SLCO6A1: variants seen among roughly 807,000 people sequenced by gnomAD.
The protein encoded by SLCO6A1 is cancer/testis antigen 48.
A neutral mutation model predicts 72.7 loss-of-function variants in SLCO6A1; 65 were observed. That is an observed-to-expected ratio of 0.89 (90% confidence interval 0.73 to 1.10). The LOEUF (loss-of-function observed/expected upper bound fraction) is 1.10. Among genes scored for constraint, SLCO6A1 ranks in the 50% least tolerant of loss-of-function variants. The pLI, the probability that SLCO6A1 is intolerant of heterozygous loss-of-function variation, is 0.00. For synonymous variants in SLCO6A1, 314 were observed against 298.2 expected (o/e 1.05, Z -0.55); for missense variants, 874 against 872.6 (o/e 1.00, Z -0.02).
chr5:102,412,458 A>G (rs1748038612), intron 9 of SLCO6A1, among the ~76,000 whole-genome samples: 1 of 152,104 alleles, frequency 6.6e-6, no homozygotes, highest in Admixed American at 6.6e-5. Flanking sequence ...TATTGTGGCA[A>G]TATAAAACAA....
intron 1 of SLCO6A1, among the ~76,000 whole-genome samples, chr5:102,488,098 G>A (rs1171699985): frequency 6.6e-6 from 1 of 152,150 alleles, no homozygotes; most frequent in African/African-American, 2.4e-5. Flanking sequence ...AACCAGTTAA[G>A]TAGTAAATAT....
intron 4 of SLCO6A1, among the ~76,000 whole-genome samples, chr5:102,473,893 A>T (rs992167797): frequency 1.3e-5 from 2 of 151,938 alleles, no homozygotes; most frequent in Non-Finnish European, 2.9e-5. Context: ...ACTATAAAAC[A>T]TTATTGAAAA....
intron 7 of SLCO6A1, among the ~76,000 whole-genome samples, chr5:102,425,966 G>T (rs1164960529): frequency 6.6e-6 from 1 of 150,626 alleles, no homozygotes; most frequent in Non-Finnish European, 1.5e-5. Flanking sequence ...ATAATGCTGT[G>T]TATCTACAAC....
At chr5:102,382,244 A>T (rs1746150582) in intron 12 of SLCO6A1, among the ~76,000 whole-genome samples, 1 of 151,676 alleles carries the variant, frequency 6.6e-6, no homozygotes, top group African/African-American at 2.4e-5. Context: ...ATTTATTGAA[A>T]AGACTGTCCC....
intron 8 of SLCO6A1, among the ~76,000 whole-genome samples, chr5:102,416,651 A>G (rs1294660184): frequency 6.6e-6 from 1 of 152,116 alleles, no homozygotes; most frequent in East Asian, 1.9e-4. Flanking sequence ...TGGGTGATAG[A>G]TACCCTAAAA....
At chr5:102,411,321 G>A (rs1260532827) in intron 9 of SLCO6A1, among the ~76,000 whole-genome samples, 3 of 152,062 alleles carry the variant, frequency 2.0e-5, no homozygotes, top group Non-Finnish European at 4.4e-5. Flanking sequence ...CTGGAGCACA[G>A]TGGCACAATC....
Position 102,498,859 on chromosome 5 carries a change from G to A in SLCO6A1, c.-15C>T, listed in dbSNP as rs1261227132. ...CCTACGAACATGGCTCACCCTGGGC[G>A]GCTCCTGGCGACGCGGCCCGAGTGC... On this transcript the variant is annotated 5_prime_UTR_variant, in exon 1 of 14. Coordinates refer to ENST00000506729, the MANE Select transcript of SLCO6A1 (RefSeq NM_173488.5). 1 of 1,589,906 alleles carries A rather than the reference G, an allele frequency of 6.3e-7. No homozygotes were observed. Among genetic ancestry groups the A allele is most frequent in the South Asian group, 1.1e-5 (1 of 89,866 alleles).
At chr5:102,454,199 A>C (rs1561474892) in intron 6 of SLCO6A1, among the ~76,000 whole-genome samples, 2 of 152,174 alleles carry the variant, frequency 1.3e-5, no homozygotes. Flanking sequence ...ATGGAGCTCA[A>C]AACTAGATCA....
chr5:102,458,261 G>GAA, intron 6 of SLCO6A1, 121 bp downstream of exon 6: 1 of 667,482 alleles, frequency 1.5e-6, no homozygotes, highest in Non-Finnish European at 2.5e-6. Flanking sequence ...TAATAAAAAA[G>GAA]AAAAAAAAAG....
chr5:102,458,003 A>C (rs1332629676), intron 6 of SLCO6A1, among the ~76,000 whole-genome samples: 1 of 152,160 alleles, frequency 6.6e-6, no homozygotes, highest in Non-Finnish European at 1.5e-5. Flanking sequence ...TTGCAAGAAC[A>C]AAAAACCAAA....
intron 12 of SLCO6A1, among the ~76,000 whole-genome samples, chr5:102,382,966 T>C (rs577848880): frequency 2.0e-5 from 3 of 149,642 alleles, no homozygotes; most frequent in Admixed American, 6.7e-5. Context: ...TATATATATG[T>C]GTATATATAT....
intron 6 of SLCO6A1, among the ~76,000 whole-genome samples, chr5:102,450,613 G>A (rs1474427327): frequency 6.6e-6 from 1 of 152,232 alleles, no homozygotes; most frequent in Admixed American, 6.5e-5. Flanking sequence ...TCATAGCCCT[G>A]GGGCAAGCTG....
chr5:102,474,761 T>C (rs925011405), intron 4 of SLCO6A1, among the ~76,000 whole-genome samples: 2 of 151,968 alleles, frequency 1.3e-5, no homozygotes. Flanking sequence ...CCAAAGGACT[T>C]GGATTGATAA....
rs190426469 is a variant in SLCO6A1 at position 102,409,343 on chromosome 5, A to T, written c.1626+3647T>A. The stretch of plus-strand genomic sequence containing the variant: ...TATGTTGGCCCTGATCATATTTTGA[A>T]TAGTAACATTTAATCAGAATTTTTT... On this transcript the variant is annotated intron_variant, in intron 9 of 13. Coordinates refer to ENST00000506729, the MANE Select transcript of SLCO6A1 (RefSeq NM_173488.5). 1.5e-3 allele frequency among the ~76,000 whole-genome samples: 235 copies of T among 152,302 alleles called. 1 individual carries two copies. The highest frequency in any genetic ancestry group is 1.9e-4 in the East Asian group (1 of 5,182).
chr5:102,381,447 C>T (rs940331193), intron 12 of SLCO6A1, among the ~76,000 whole-genome samples: 5 of 151,656 alleles, frequency 3.3e-5, no homozygotes, highest in Non-Finnish European at 7.4e-5. Context: ...GTATGTATGT[C>T]TCTCATATTT....
chr5:102,490,957 C>T (rs953600537), intron 1 of SLCO6A1, among the ~76,000 whole-genome samples: 1 of 152,108 alleles, frequency 6.6e-6, no homozygotes, highest in Non-Finnish European at 1.5e-5. Context: ...CTTTTATTAT[C>T]TTATCTGGCC....
chr5:102,456,530 G>A (rs1750725435), intron 6 of SLCO6A1, among the ~76,000 whole-genome samples: 1 of 152,072 alleles, frequency 6.6e-6, no homozygotes, highest in African/African-American at 2.4e-5. Context: ...AAATACCTAG[G>A]AATCCAACTT....
chr5:102,457,051 G>A (rs1477642554), intron 6 of SLCO6A1, among the ~76,000 whole-genome samples: 1 of 152,184 alleles, frequency 6.6e-6, no homozygotes, highest in Non-Finnish European at 1.5e-5. Context: ...CTAGCCATGT[G>A]TAGAAAGCTG....
intron 8 of SLCO6A1, among the ~76,000 whole-genome samples, chr5:102,417,797 A>G (rs1051780273): frequency 1.7e-4 from 26 of 152,100 alleles, no homozygotes; most frequent in African/African-American, 6.3e-4. Context: ...AGTTAAGACC[A>G]GCCTGGCCAA....
Sources: gnomAD v4.1 joint callset for allele counts (sites outside exome capture counted in the v4.1 genomes callset) on GRCh38, gnomAD v4.1.1 for gene constraint, MANE v1.5 for transcripts, NCBI Gene and HGNC (gene_info 2026-07-23, HGNC 2026-07-21) for gene names.